The following MAP2 variants were observed in gnomAD, a reference collection of about 807,000 sequenced individuals.
MAP2 encodes microtubule associated protein 2, also known as microtubule-associated protein 2.
In MAP2, 14 loss-of-function variants were observed where a neutral mutation model predicts 137.6. That is an observed-to-expected ratio of 0.10 (90% CI 0.07 to 0.16). The LOEUF is 0.16. MAP2 is among the 10% of genes least tolerant of loss of function. The probability of loss-of-function intolerance (pLI) is 1.00; values close to 1 mark genes in which losing one functional copy is unlikely to be tolerated. For synonymous variants in MAP2, 786 were observed against 782.3 expected (o/e 1.00, Z -0.08); for missense variants, 2,088 against 2,191.5 (o/e 0.95, Z 0.94).
rs185494903 is a variant in MAP2, at chr2:209,512,325, C to G, written c.-172+4684C>G. Among the ~76,000 whole-genome samples, 7 of 151,916 alleles carry G rather than the reference C, an allele frequency of 4.6e-5. No homozygotes were observed. The East Asian group carries it at 1.4e-3, about 29-fold the overall frequency. On this transcript the variant is annotated intron_variant, in intron 2 of 15. Coordinates refer to ENST00000682079, the MANE Select transcript of MAP2 (RefSeq NM_001375505.1). The stretch of plus-strand genomic sequence containing the variant: ...TTACATTTTAATGCAAAAAAAGACT[C>G]TTAGAACAATGTCTGGCATATGGGG...
At chr2:209,530,911 T>G (rs551157985) in intron 2 of MAP2, among the ~76,000 whole-genome samples, 2 of 152,294 alleles carry the variant, frequency 1.3e-5, no homozygotes, top group East Asian at 3.9e-4. Context: ...TGCTTCTCAG[T>G]ATTTATTAGC....
chr2:209,463,174 T>A (rs769256457), intron 1 of MAP2, among the ~76,000 whole-genome samples: 19 of 152,158 alleles, frequency 1.2e-4, no homozygotes, highest in Admixed American at 1.2e-3. Context: ...ATGGCAAAAA[T>A]TGTTTCTATA....
intron 13 of MAP2, among the ~76,000 whole-genome samples, chr2:209,713,990 G>A (rs1433013547): frequency 1.3e-5 from 2 of 151,918 alleles, no homozygotes; most frequent in African/African-American, 2.4e-5. Context: ...TCAGGAGTTC[G>A]AGACCAGCCT....
At chr2:209,644,370 T>A (rs1053153046) in intron 4 of MAP2, among the ~76,000 whole-genome samples, 3 of 152,158 alleles carry the variant, frequency 2.0e-5, no homozygotes, top group Non-Finnish European at 4.4e-5. Context: ...TACTTGGTGT[T>A]ATTTTTCATA....
intron 4 of MAP2, among the ~76,000 whole-genome samples, chr2:209,637,092 G>A (rs1265198161): frequency 1.3e-5 from 2 of 152,056 alleles, no homozygotes; most frequent in East Asian, 1.9e-4. Flanking sequence ...CTCTACAAGC[G>A]AGTGTACTGC....
At chr2:209,725,571 G>C in intron 13 of MAP2, 138 bp from the exon 14 acceptor site, 1 of 468,718 alleles carries the variant, frequency 2.1e-6, no homozygotes, top group Non-Finnish European at 3.8e-6. Flanking sequence ...TCCTCTGTTT[G>C]TGTGTGTACT....
At chr2:209,442,018 A>G (rs1370338252) in intron 1 of MAP2, among the ~76,000 whole-genome samples, 1 of 151,582 alleles carries the variant, frequency 6.6e-6, no homozygotes, top group East Asian at 1.9e-4. Flanking sequence ...AGGATTGTCT[A>G]TATTAATTAT....
intron 3 of MAP2, among the ~76,000 whole-genome samples, chr2:209,599,080 C>T (rs890361873): frequency 3.3e-5 from 5 of 152,064 alleles, no homozygotes; most frequent in Admixed American, 1.3e-4. Flanking sequence ...TCAAAGTGTT[C>T]CTATTTCTCC....
chr2:209,517,834 A>C (rs2062733984), intron 2 of MAP2, among the ~76,000 whole-genome samples: 1 of 151,512 alleles, frequency 6.6e-6, no homozygotes, highest in Non-Finnish European at 1.5e-5. Context: ...AAGAAATACA[A>C]GCCATGAGGT....
chr2:209,560,901 A>G (rs1006660687), intron 2 of MAP2, among the ~76,000 whole-genome samples: 3 of 152,226 alleles, frequency 2.0e-5, no homozygotes, highest in Admixed American at 1.3e-4. Flanking sequence ...TTACCCCTAC[A>G]TGACCACAGA....
intron 4 of MAP2, among the ~76,000 whole-genome samples, chr2:209,635,882 C>T (rs759934864): frequency 1.3e-5 from 2 of 152,072 alleles, no homozygotes; most frequent in Non-Finnish European, 2.9e-5. Context: ...ACTGGCCTTT[C>T]CTACAAGCAT....
intron 1 of MAP2, among the ~76,000 whole-genome samples, chr2:209,443,212 A>G (rs370254138): frequency 7.1e-6 from 1 of 140,850 alleles, no homozygotes; most frequent in Admixed American, 7.1e-5. Flanking sequence ...TCTTCCCATT[A>G]TAGGTTTTTT....
At chr2:209,476,900 G>A (rs1707383044) in intron 1 of MAP2, among the ~76,000 whole-genome samples, 1 of 152,084 alleles carries the variant, frequency 6.6e-6, no homozygotes, top group Non-Finnish European at 1.5e-5. Context: ...CACATGTAAA[G>A]GCAATTCCTT....
At position 209,730,825 on chromosome 2, in the gene MAP2, C is replaced by G; in HGVS notation, c.*428C>G. Reference sequence around the variant, plus strand: ...TAACTTATTTCAGGTTAAATTAAACCAAGGAGTCTGATTGCAGGAAGGGAA... The same window carrying G: ...TAACTTATTTCAGGTTAAATTAAACGAAGGAGTCTGATTGCAGGAAGGGAA... On this transcript the variant is annotated 3_prime_UTR_variant, in exon 16 of 16. Transcript: ENST00000682079. 1 of 159,176 alleles carries G rather than the reference C, an allele frequency of 6.3e-6. No homozygotes were observed. Among genetic ancestry groups the G allele is most frequent in the South Asian group, 1.9e-4 (1 of 5,392 alleles). 9.9% of individuals were successfully genotyped at this position (159,176 alleles called of 1,614,324 possible).
intron 2 of MAP2, among the ~76,000 whole-genome samples, chr2:209,565,619 T>C (rs952764333): frequency 6.6e-6 from 1 of 152,238 alleles, no homozygotes; most frequent in Non-Finnish European, 1.5e-5. Flanking sequence ...CATAGGTATA[T>C]CCTTATCCAA....
intron 5 of MAP2, among the ~76,000 whole-genome samples, chr2:209,656,757 T>G (rs1419148059): frequency 9.9e-5 from 15 of 152,278 alleles, no homozygotes. Flanking sequence ...TTTTTATCTT[T>G]ATCTTTGTTT....
intron 1 of MAP2, among the ~76,000 whole-genome samples, chr2:209,441,207 T>C (rs921020719): frequency 6.6e-6 from 1 of 151,584 alleles, no homozygotes; most frequent in Non-Finnish European, 1.5e-5. Context: ...TTCCTGTATC[T>C]GGTGTGGATT....
In MAP2 at chr2:209,697,052, GT is replaced by G; in HGVS notation, c.4522+2del. On this transcript the variant is annotated splice_donor_variant, in intron 10 of 15. Coordinates refer to ENST00000682079, the MANE Select transcript of MAP2 (RefSeq NM_001375505.1). LOFTEE classifies it high-confidence loss of function. ...TCCTGTGTTAAGCGGAAAACCACAG[GT>G]GACTGTTCAATTCTGCAATGTGACT... The G allele has an allele frequency of 6.3e-7, 1 of 1,590,272 alleles. No homozygotes were observed. Among genetic ancestry groups the G allele is most frequent in the East Asian group, 2.2e-5 (1 of 44,640 alleles).
Position 209,710,260 on chromosome 2 carries a change from A to C in MAP2, c.5073+6A>C, listed in dbSNP as rs113395898. On this transcript the variant is annotated splice_donor_region_variant and intron_variant, in intron 13 of 15. Transcript: ENST00000682079. ...ACCAGCCTAAAGGGGGGCAGGTAAG[A>C]ATTGCATGAACACATATTTGCTGCC... The C allele has an allele frequency of 4.5e-4, 693 of 1,554,698 alleles. 2 individuals are homozygous for C. Among genetic ancestry groups the C allele is most frequent in the Non-Finnish European group, 5.1e-5 (58 of 1,146,502 alleles).
Sources: gnomAD v4.1 joint callset for allele counts (sites outside exome capture counted in the v4.1 genomes callset) on GRCh38, gnomAD v4.1.1 for gene constraint, MANE v1.5 for transcripts, NCBI Gene and HGNC (gene_info 2026-07-23, HGNC 2026-07-21) for gene names.